CCDC198: variants seen among roughly 807,000 people sequenced by gnomAD.
CCDC198 encodes factor associated with metabolism and energy.
CCDC198 carries 18 observed loss-of-function variants against 35.6 expected under a neutral mutation model. The ratio of observed to expected loss-of-function variants is 0.51; its 90% CI spans 0.35 to 0.75. CCDC198 has a LOEUF of 0.75. Ranked by LOEUF, CCDC198 falls within the 30% of genes least tolerant of loss-of-function variation. CCDC198 has a pLI of 0.01. For synonymous variants in CCDC198, 119 were observed against 113.4 expected (o/e 1.05, Z -0.31); for missense variants, 365 against 343.7 (o/e 1.06, Z -0.49).
At chr14:57,486,570 A>G (rs1190686725) in intron 2 of CCDC198, among the ~76,000 whole-genome samples, 2 of 152,130 alleles carry the variant, frequency 1.3e-5, no homozygotes, top group African/African-American at 2.4e-5. Flanking sequence ...AAACTCTCCC[A>G]GGGATTCTGA....
chr14:57,493,672 A>T lies in CCDC198; in HGVS notation c.44T>A (p.Val15Glu). The T allele has an allele frequency of 6.2e-7, 1 of 1,613,780 alleles. No homozygotes were observed. The highest frequency in any genetic ancestry group is 8.5e-7 in the Non-Finnish European group (1 of 1,179,878). The stretch of plus-strand genomic sequence containing the variant: ...TACCTCTTTGTTTTGCAAAGGTGCT[A>T]CTTTGATCACCCTAAGGTGAGTCTT... ...HSKTHLRVIK[V>E]APLQNKEVET... Residue 15 changes from valine to glutamate, a missense_variant, in exon 1 of 6, where the codon GTA becomes GAA. Transcript: ENST00000216445.
chr14:57,491,051 C>T lies in CCDC198; in HGVS notation c.244G>A (p.Asp82Asn). The T allele has an allele frequency of 6.2e-7, 1 of 1,611,164 alleles. No individual in the cohort carries two copies. Among genetic ancestry groups the T allele is most frequent in the Admixed American group, 1.7e-5 (1 of 59,872 alleles). Residue 82 changes from aspartate (D) to asparagine (N), a missense_variant, in exon 2 of 6, where the codon GAC becomes AAC. Coordinates refer to ENST00000216445, the MANE Select transcript of CCDC198 (RefSeq NM_018168.4). Reference sequence around the variant, plus strand: ...GTTTCTCTGTGTTCCAGTGGGATGTCAAAATACATGTCTCTGGATGCTTGA... The same window carrying T: ...GTTTCTCTGTGTTCCAGTGGGATGTTAAAATACATGTCTCTGGATGCTTGA... Reference protein sequence around the residue: ...YSTASRDMYFDIPLEHRETSI... With the variant: ...YSTASRDMYFNIPLEHRETSI...
intron 2 of CCDC198, among the ~76,000 whole-genome samples, chr14:57,490,541 T>C (rs1168314829): frequency 1.3e-5 from 2 of 152,192 alleles, no homozygotes; most frequent in Admixed American, 1.3e-4. Context: ...GTTACTGAAC[T>C]CTCTGACTAG....
Position 57,471,396 on chromosome 14 carries a change from C to T in CCDC198, c.850G>A (p.Glu284Lys), listed in dbSNP as rs1464831327. 1 of 1,613,734 alleles carries T rather than the reference C, an allele frequency of 6.2e-7. No homozygotes were observed. Among genetic ancestry groups the T allele is most frequent in the Non-Finnish European group, 8.5e-7 (1 of 1,179,926 alleles). Residue 284 changes from glutamate (E) to lysine (K), a missense_variant, in exon 6 of 6, where the codon GAG (glutamate) becomes AAG (lysine). Transcript: ENST00000216445. ...KPRALVRTRT[E>K]RIPLFDEFFD... The stretch of plus-strand genomic sequence containing the variant: ...AACTCATCGAAAAGTGGGATTCTCT[C>T]TGTCCTGGTCCTCACCAGTGCTCGT...
chr14:57,477,859 G>A (rs777271429), intron 5 of CCDC198, among the ~76,000 whole-genome samples: 3 of 152,024 alleles, frequency 2.0e-5, no homozygotes, highest in Non-Finnish European at 2.9e-5. Context: ...CACTGTGCCC[G>A]ACTAATTTTT....
At position 57,493,504 on chromosome 14, in the gene CCDC198, C is replaced by T. The variant is rs547387205; in HGVS notation, c.212G>A (p.Arg71Lys). 2.5e-6 allele frequency: 4 copies of T among 1,613,648 alleles called. No homozygotes were observed. Among genetic ancestry groups the T allele is most frequent in the Admixed American group, 3.3e-5 (2 of 59,980 alleles). Residue 71 changes from arginine to lysine, a missense_variant, in exon 1 of 6, where the codon AGA becomes AAA. Arg to Lys is a conservative substitution (Grantham distance 26). Transcript: ENST00000216445. ...LPPLQENWYG[R>K]YSTASRDMYF... Reference sequence around the variant, plus strand: ...GGTTTTATGTTTACCTGTAGAATATCTTCCATACCAGTTTTCTTGTAAAGG... The same window carrying T: ...GGTTTTATGTTTACCTGTAGAATATTTTCCATACCAGTTTTCTTGTAAAGG...
intron 2 of CCDC198, among the ~76,000 whole-genome samples, chr14:57,484,047 G>GA (rs1480126494): frequency 1.3e-5 from 2 of 152,118 alleles, no homozygotes; most frequent in Non-Finnish European, 2.9e-5. Context: ...CTGCAGGGCA[G>GA]AAAAAATCTG....
rs1240957991 is a variant in CCDC198 at position 57,493,710 on chromosome 14, G to A, written c.6C>T (p.Gly2=). 9.9e-6 allele frequency: 16 copies of A among 1,611,572 alleles called. No homozygotes were observed. The highest frequency in any genetic ancestry group is 1.4e-5 in the Non-Finnish European group (16 of 1,178,510). Residue 2 remains glycine (G), a synonymous_variant, in exon 1 of 6, where the codon GGC becomes GGT. Transcript: ENST00000216445. ...TAAGGTGAGTCTTAGAGTGACTCAG[G>A]CCCATTTCATGTGAAAGACATTCAG... M[G]LSHSKTHLRV... is the part of the protein sequence containing the mutation.
intron 3 of CCDC198, 122 bp from the exon 4 acceptor site, chr14:57,481,782 T>C (rs1220888354): frequency 4.8e-6 from 3 of 625,530 alleles, no homozygotes; most frequent in Non-Finnish European, 8.3e-6. Context: ...AGAGATATCT[T>C]GTGATGACAA....
intron 5 of CCDC198, among the ~76,000 whole-genome samples, chr14:57,479,306 T>A (rs2067107221): frequency 6.6e-6 from 1 of 152,136 alleles, no homozygotes. Context: ...CAGGCTAGGT[T>A]TTGAAATCCT....
At chr14:57,471,730 A>T (rs201861681) in intron 5 of CCDC198, 140 bp from the exon 6 acceptor site, 37 of 3,730 alleles carry the variant, frequency 9.9e-3, no homozygotes, top group East Asian at 0.33. Context: ...TATATATATA[A>T]TATATATATA....
chr14:57,493,385 ATTTC>A, intron 1 of CCDC198, 104 bp downstream of exon 1: 4 of 948,912 alleles, frequency 4.2e-6, no homozygotes, highest in Non-Finnish European at 6.5e-6. Flanking sequence ...ATTCCTTTAC[ATTTC>A]AGGAATTTAG....
chr14:57,480,634 G>A lies in CCDC198; in HGVS notation c.616C>T (p.Leu206=), dbSNP rs1456140600. The A allele has an allele frequency of 6.2e-7, 1 of 1,614,150 alleles. No individual in the cohort carries two copies. The highest frequency in any genetic ancestry group is 8.5e-7 in the Non-Finnish European group (1 of 1,180,010). The change falls in exon 5 of 6, where the codon CTA becomes TTA. Residue 206 remains leucine, a synonymous_variant. Coordinates refer to ENST00000216445, the MANE Select transcript of CCDC198 (RefSeq NM_018168.4). ...AAGATTTCATCAGGCAACATGGTTA[G>A]AAGGTCATGGTCATCATTCCTTGGG... is the stretch of plus-strand genomic sequence containing the variant. The part of the protein sequence containing the change: ...STPRNDDHDL[L]TMLPDEILNR...
chr14:57,485,446 G>A (rs537646527), intron 2 of CCDC198, among the ~76,000 whole-genome samples: 1 of 152,212 alleles, frequency 6.6e-6, no homozygotes, highest in Non-Finnish European at 1.5e-5. Context: ...GTCCAACGCT[G>A]AAGGCACATG....
chr14:57,485,407 CAA>C (rs1263353536), intron 2 of CCDC198, among the ~76,000 whole-genome samples: 5 of 152,170 alleles, frequency 3.3e-5, no homozygotes, highest in Non-Finnish European at 5.9e-5. Context: ...CATGCTGCTG[CAA>C]AGAGTGTGAG....
intron 2 of CCDC198, 57 bp downstream of exon 2, chr14:57,490,932 G>C (rs763279222): frequency 2.2e-6 from 3 of 1,383,132 alleles, no homozygotes; most frequent in Non-Finnish European, 3.1e-6. Flanking sequence ...AGTTTAAAAA[G>C]GGATGTTACC....
At chr14:57,474,919 T>C (rs1410201327) in intron 5 of CCDC198, among the ~76,000 whole-genome samples, 1 of 152,160 alleles carries the variant, frequency 6.6e-6, no homozygotes, top group East Asian at 1.9e-4. Flanking sequence ...TTCAGAAAAA[T>C]GTATCACTAC....
intron 5 of CCDC198, among the ~76,000 whole-genome samples, chr14:57,473,515 A>G (rs1284475476): frequency 6.6e-6 from 1 of 151,982 alleles, no homozygotes; most frequent in Non-Finnish European, 1.5e-5. Context: ...CTCACATCTA[A>G]CCTATCACCT....
intron 2 of CCDC198, among the ~76,000 whole-genome samples, chr14:57,485,315 T>C (rs1320386325): frequency 6.6e-6 from 1 of 151,958 alleles, no homozygotes; most frequent in Non-Finnish European, 1.5e-5. Flanking sequence ...GTTCCAGTGG[T>C]GAGGCTGGTG....
Sources: allele counts gnomAD v4.1 joint callset (sites outside exome capture counted in the v4.1 genomes callset), GRCh38; gene constraint gnomAD v4.1.1; transcripts MANE v1.5; gene names NCBI Gene and HGNC (gene_info 2026-07-23, HGNC 2026-07-21).